CBLC: variants seen among roughly 807,000 people sequenced by gnomAD.
CBLC encodes the protein Cbl proto-oncogene C.
A neutral mutation model predicts 58.6 loss-of-function variants in CBLC; 46 were observed. The observed-to-expected ratio is 0.79, with a 90% CI of 0.62 to 1.00. The LOEUF (loss-of-function observed/expected upper bound fraction) is 1.00. CBLC is among the 50% of genes least tolerant of loss of function. The pLI, the probability that CBLC is intolerant of heterozygous loss-of-function variation, is 0.00. For synonymous variants in CBLC, 271 were observed against 264.2 expected, an observed-to-expected ratio of 1.03 and a Z score of -0.25; for missense variants, 655 against 625.8, an observed-to-expected ratio of 1.05 and a Z score of -0.50.
At chr19:44,794,170 A>T in intron 8 of CBLC, 34 bp from the exon 9 acceptor site, 1 of 1,586,820 alleles carries the variant, frequency 6.3e-7, no homozygotes, top group South Asian at 1.1e-5. Flanking sequence ...ATGGCAGCTC[A>T]CAAGCCCCTT....
chr19:44,799,626 G>A (rs886197691), intron 9 of CBLC, among the ~76,000 whole-genome samples: 116 of 151,982 alleles, frequency 7.6e-4, no homozygotes, highest in Non-Finnish European at 1.2e-3. Context: ...GCCACCGCGC[G>A]TGGCCCCTGT....
intron 9 of CBLC, among the ~76,000 whole-genome samples, chr19:44,798,479 G>T (rs910381354): frequency 2.6e-5 from 4 of 152,096 alleles, no homozygotes; most frequent in African/African-American, 4.8e-5. Flanking sequence ...GGAGGCCGAG[G>T]TGGGCAAATC....
chr19:44,795,613 A>AT (rs939594878), intron 9 of CBLC, among the ~76,000 whole-genome samples: 10 of 152,062 alleles, frequency 6.6e-5, no homozygotes, highest in African/African-American at 2.4e-4. Flanking sequence ...TTTCTGGGCA[A>AT]TATAGCGGAA....
At chr19:44,784,614 C>G (rs1203931037) in intron 5 of CBLC, among the ~76,000 whole-genome samples, 1 of 152,172 alleles carries the variant, frequency 6.6e-6, no homozygotes, top group African/African-American at 2.4e-5. Flanking sequence ...GGCCATAGAT[C>G]GGGCCCAGCC....
intron 5 of CBLC, among the ~76,000 whole-genome samples, chr19:44,789,032 C>CT (rs1243731465): frequency 6.6e-6 from 1 of 151,988 alleles, no homozygotes; most frequent in Non-Finnish European, 1.5e-5. Flanking sequence ...ATTTCATGTG[C>CT]TATACATGTC....
intron 9 of CBLC, among the ~76,000 whole-genome samples, chr19:44,798,583 C>T (rs1968224913): frequency 6.6e-6 from 1 of 152,060 alleles, no homozygotes. Context: ...GGCGTGGTGG[C>T]GGGCACCCGT....
At chr19:44,783,480 G>A (rs1017956235) in intron 4 of CBLC, among the ~76,000 whole-genome samples, 71 of 151,460 alleles carry the variant, frequency 4.7e-4, no homozygotes, top group Non-Finnish European at 5.3e-4. Flanking sequence ...TTGCACTCCT[G>A]CCTGGGCAAC....
intron 3 of CBLC, 80 bp downstream of exon 3, chr19:44,781,443 G>T: frequency 7.0e-7 from 1 of 1,426,400 alleles, no homozygotes; most frequent in Non-Finnish European, 9.6e-7. Context: ...CTGGGTCTGA[G>T]GGAGGAAGGG....
chr19:44,796,337 C>T (rs1463259627), intron 9 of CBLC, among the ~76,000 whole-genome samples: 1 of 152,186 alleles, frequency 6.6e-6, no homozygotes, highest in South Asian at 2.1e-4. Context: ...GCGTTGGAGT[C>T]TTTAAGGCCC....
chr19:44,795,157 C>T (rs1968154059), intron 9 of CBLC, among the ~76,000 whole-genome samples: 1 of 151,746 alleles, frequency 6.6e-6, no homozygotes, highest in South Asian at 2.1e-4. Context: ...GAGGTTTTGC[C>T]ACATTGGCCA....
intron 9 of CBLC, among the ~76,000 whole-genome samples, chr19:44,799,858 A>G (rs1968256801): frequency 6.6e-6 from 1 of 151,698 alleles, no homozygotes; most frequent in Non-Finnish European, 1.5e-5. Flanking sequence ...AGAAAGAAAA[A>G]GAAGAAAAAA....
chr19:44,781,196 C>T lies in CBLC; in HGVS notation c.501-11C>T. 1 of 1,604,466 alleles carries T rather than the reference C, an allele frequency of 6.2e-7. No individual in the cohort carries two copies. Among genetic ancestry groups the T allele is most frequent in the Non-Finnish European group, 8.5e-7 (1 of 1,174,544 alleles). On this transcript the variant is annotated splice_polypyrimidine_tract_variant and intron_variant, in intron 2 of 10. Transcript: ENST00000647358. Reference sequence around the variant, plus strand: ...CCTCAGCGGTGTCTCCCCCACCCCTCTCCCACCCAGGTGTGTGCTGCCCTG... The same window carrying T: ...CCTCAGCGGTGTCTCCCCCACCCCTTTCCCACCCAGGTGTGTGCTGCCCTG...
intron 9 of CBLC, among the ~76,000 whole-genome samples, chr19:44,796,086 A>T (rs1968172212): frequency 6.6e-6 from 1 of 152,030 alleles, no homozygotes; most frequent in Admixed American, 6.6e-5. Context: ...GTGGTGGCGC[A>T]CACCTGTAAT....
rs1445083270 is a variant in CBLC, at chr19:44,778,052, C to T, written c.121C>T (p.Pro41Ser). Reference protein sequence around the residue: ...QCVDPRLSVSPPSLRDLLPRT... With the variant: ...QCVDPRLSVSSPSLRDLLPRT... ...CGTCGACCCCCGGCTGTCCGTGAGT[C>T]CCCCTTCGCTGCGGGACCTGCTGCC... is the stretch of plus-strand genomic sequence containing the variant. Residue 41 changes from proline (P) to serine (S), a missense_variant, in exon 1 of 11, where the codon CCC becomes TCC. Physicochemically the swap from Pro to Ser is moderately conservative, Grantham distance 74. Coordinates refer to ENST00000647358, the MANE Select transcript of CBLC (RefSeq NM_012116.4). 9.3e-6 allele frequency: 15 copies of T among 1,609,044 alleles called. No individual in the cohort carries two copies. The highest frequency in any genetic ancestry group is 1.3e-5 in the Non-Finnish European group (15 of 1,179,622).
chr19:44,796,548 CA>C (rs1968181892), intron 9 of CBLC, among the ~76,000 whole-genome samples: 1 of 151,922 alleles, frequency 6.6e-6, no homozygotes. Flanking sequence ...CCACGCCTGG[CA>C]AATTTTGTAT....
At chr19:44,799,044 A>G (rs547194952) in intron 9 of CBLC, among the ~76,000 whole-genome samples, 3 of 152,162 alleles carry the variant, frequency 2.0e-5, no homozygotes, top group African/African-American at 7.2e-5. Flanking sequence ...TTTGAAGGAC[A>G]TGGAACTTGC....
intron 8 of CBLC, 65 bp downstream of exon 8, chr19:44,793,685 C>A: frequency 1.4e-6 from 2 of 1,418,244 alleles, no homozygotes; most frequent in Non-Finnish European, 1.9e-6. Flanking sequence ...GGGACTGGAG[C>A]CTGGACTCCT....
At chr19:44,787,640 A>C (rs775577698) in intron 5 of CBLC, among the ~76,000 whole-genome samples, 1 of 151,044 alleles carries the variant, frequency 6.6e-6, no homozygotes, top group Non-Finnish European at 1.5e-5. Flanking sequence ...GACATGGTGA[A>C]ACCCCGTCTC....
intron 5 of CBLC, among the ~76,000 whole-genome samples, chr19:44,785,118 C>T (rs1967864004): frequency 6.6e-6 from 1 of 151,102 alleles, no homozygotes; most frequent in Admixed American, 6.6e-5. Context: ...ATTACAGGCA[C>T]CCACCACCAC....
Sources: gnomAD v4.1 joint callset for allele counts (sites outside exome capture counted in the v4.1 genomes callset) on GRCh38, gnomAD v4.1.1 for gene constraint, MANE v1.5 for transcripts, NCBI Gene and HGNC (gene_info 2026-07-23, HGNC 2026-07-21) for gene names.